The following TEC variants were observed in gnomAD, a reference collection of about 807,000 sequenced individuals.
TEC encodes the protein tyrosine-protein kinase Tec.
A neutral mutation model predicts 93.0 loss-of-function variants in TEC; 72 were observed. That is an observed-to-expected ratio of 0.77 (90% confidence interval 0.64 to 0.94). The LOEUF is 0.94. Ranked by LOEUF, TEC falls within the 40% of genes least tolerant of loss-of-function variation. The pLI is 0.00. For missense variants in TEC, 630 were observed against 757.9 expected, an observed-to-expected ratio of 0.83 and a Z score of 1.98; for synonymous variants, 249 against 247.7, an observed-to-expected ratio of 1.01 and a Z score of -0.05.
At chr4:48,264,710 C>T (rs1401019271) in intron 1 of TEC, among the ~76,000 whole-genome samples, 1 of 151,624 alleles carries the variant, frequency 6.6e-6, no homozygotes, top group Non-Finnish European at 1.5e-5. Flanking sequence ...CATATCGGCT[C>T]ACTACAACCT....
At chr4:48,257,494 A>G (rs1275094378) in intron 1 of TEC, among the ~76,000 whole-genome samples, 1 of 152,188 alleles carries the variant, frequency 6.6e-6, no homozygotes, top group Admixed American at 6.5e-5. Context: ...AGTAGAGCTC[A>G]GCAGACTTCT....
intron 2 of TEC, among the ~76,000 whole-genome samples, chr4:48,187,941 T>A (rs1005455513): frequency 2.0e-5 from 3 of 152,210 alleles, no homozygotes; most frequent in Non-Finnish European, 4.4e-5. Flanking sequence ...GATTGCCACA[T>A]TTTTCCTCCC....
intron 11 of TEC, among the ~76,000 whole-genome samples, chr4:48,149,074 C>A (rs1720048684): frequency 1.3e-5 from 2 of 152,132 alleles, no homozygotes; most frequent in Admixed American, 1.3e-4. Flanking sequence ...CTGTCTATCA[C>A]TGATGGACAT....
At chr4:48,195,062 T>C (rs1201936309) in intron 2 of TEC, among the ~76,000 whole-genome samples, 3 of 152,158 alleles carry the variant, frequency 2.0e-5, no homozygotes, top group Non-Finnish European at 4.4e-5. Flanking sequence ...GGCACTAAGA[T>C]TCTGCTTAAG....
At chr4:48,184,591 T>C (rs529837828) in intron 2 of TEC, among the ~76,000 whole-genome samples, 3 of 152,306 alleles carry the variant, frequency 2.0e-5, no homozygotes, top group South Asian at 2.1e-4. Flanking sequence ...CCTCTGTTTG[T>C]ACATATATTG....
At chr4:48,267,430 A>G (rs1452963133) in intron 1 of TEC, among the ~76,000 whole-genome samples, 3 of 152,234 alleles carry the variant, frequency 2.0e-5, no homozygotes, top group Non-Finnish European at 4.4e-5. Flanking sequence ...AGGTGGAGGC[A>G]ACTACTAGGC....
intron 2 of TEC, among the ~76,000 whole-genome samples, chr4:48,215,437 G>A (rs1723046320): frequency 6.6e-6 from 1 of 152,220 alleles, no homozygotes; most frequent in Non-Finnish European, 1.5e-5. Flanking sequence ...AGCCTGGGAG[G>A]TGGAGACTGC....
chr4:48,161,541 C>T (rs1344112447), intron 8 of TEC, among the ~76,000 whole-genome samples: 3 of 150,750 alleles, frequency 2.0e-5, no homozygotes, highest in South Asian at 4.2e-4. Flanking sequence ...AGTCTGTGGC[C>T]TGGGATTCCT....
In TEC at chr4:48,137,185, G is replaced by T. The variant is rs1719460340; in HGVS notation, c.*231C>A. 3 of 529,512 alleles carry T rather than the reference G, an allele frequency of 5.7e-6. No homozygotes were observed. Among genetic ancestry groups the T allele is most frequent in the Non-Finnish European group, 3.3e-6 (1 of 298,594 alleles). The allele number at this position is 529,512 out of a possible 1,614,324, so 32.8% of individuals were successfully genotyped here. A position where few individuals can be genotyped will look rare whatever the true frequency, so the allele number is the denominator to read the frequency against. On this transcript the variant is annotated 3_prime_UTR_variant, in exon 18 of 18. Coordinates refer to ENST00000381501, the MANE Select transcript of TEC (RefSeq NM_003215.3). ...ACTGTCACTCAAGTGCCTGAGGAATGAATAGAAATGAGTGATTTTAATCAC... is the reference window on the plus strand; with the variant it reads ...ACTGTCACTCAAGTGCCTGAGGAATTAATAGAAATGAGTGATTTTAATCAC...
chr4:48,248,317 A>G (rs890164371), intron 1 of TEC, among the ~76,000 whole-genome samples: 4 of 152,190 alleles, frequency 2.6e-5, no homozygotes, highest in African/African-American at 9.7e-5. Context: ...TCTGGCAATT[A>G]TAAGCTATCA....
At position 48,176,070 on chromosome 4, in the gene TEC, A is replaced by G. The variant is rs776094892; in HGVS notation, c.243+12T>C. On this transcript the variant is annotated intron_variant, in intron 3 of 17. Coordinates refer to ENST00000381501, the MANE Select transcript of TEC (RefSeq NM_003215.3). ...CCCAGCACTGCACTGCCACAAAAAT[A>G]CACCAGCTCACCTGAAATGGATACT... The G allele has an allele frequency of 6.2e-7, 1 of 1,604,686 alleles. No individual in the cohort carries two copies. Among genetic ancestry groups the G allele is most frequent in the Non-Finnish European group, 8.5e-7 (1 of 1,171,544 alleles).
At position 48,168,452 on chromosome 4, in the gene TEC, A is replaced by C. The variant is rs114949239; in HGVS notation, c.495+134T>G. ...ATAAGCTACAGCACATCTGCTTCTGAGACGATCCTAGGGAAAAATTGTGTC... is the reference window on the plus strand; with the variant it reads ...ATAAGCTACAGCACATCTGCTTCTGCGACGATCCTAGGGAAAAATTGTGTC... On this transcript the variant is annotated intron_variant, in intron 6 of 17. Coordinates refer to ENST00000381501, the MANE Select transcript of TEC (RefSeq NM_003215.3). The C allele has an allele frequency of 3.0e-4, 268 of 880,140 alleles. 1 individual carries two copies. Among genetic ancestry groups the C allele is most frequent in the Non-Finnish European group, 4.3e-4 (242 of 559,532 alleles). The allele number at this position is 880,140 out of a possible 1,614,324, so 54.5% of individuals were successfully genotyped here.
intron 2 of TEC, among the ~76,000 whole-genome samples, chr4:48,190,061 C>T (rs1722037782): frequency 6.6e-6 from 1 of 152,152 alleles, no homozygotes; most frequent in African/African-American, 2.4e-5. Context: ...CCACCACAAA[C>T]ATTAATATTT....
At chr4:48,179,384 T>A (rs1325823029) in intron 2 of TEC, among the ~76,000 whole-genome samples, 11 of 112,692 alleles carry the variant, frequency 9.8e-5, no homozygotes, top group African/African-American at 1.7e-4. Context: ...ATATTTTTTT[T>A]TTTTTTTTTT....
chr4:48,225,257 C>T (rs1411557322), intron 2 of TEC, among the ~76,000 whole-genome samples: 1 of 152,112 alleles, frequency 6.6e-6, no homozygotes, highest in African/African-American at 2.4e-5. Flanking sequence ...TCACTGCAAC[C>T]TCTGCCTCCT....
At chr4:48,228,415 G>C in intron 2 of TEC, 62 bp downstream of exon 2, 1 of 1,458,728 alleles carries the variant, frequency 6.9e-7, no homozygotes, top group East Asian at 2.5e-5. Flanking sequence ...GGAGAGGCAG[G>C]CAATATTATA....
In TEC at chr4:48,241,395, T is replaced by C. The variant is rs76995850; in HGVS notation, c.-45-12736A>G. ...TGATTTTTTTGGACGTCTAGCTCTT[T>C]GAATATTCTCCCTCTTGGAACCCAG... On this transcript the variant is annotated intron_variant, in intron 1 of 17. Coordinates refer to ENST00000381501, the MANE Select transcript of TEC (RefSeq NM_003215.3). Among the ~76,000 whole-genome samples the C allele has an allele frequency of 6.0e-4, 91 of 152,306 alleles. No homozygotes were observed. The East Asian group carries it at 0.016, about 27-fold the overall frequency.
At chr4:48,145,631 G>T in intron 12 of TEC, 52 bp from the exon 13 acceptor site, 1 of 1,585,420 alleles carries the variant, frequency 6.3e-7, no homozygotes, top group South Asian at 1.1e-5. Flanking sequence ...AATGTAGCAT[G>T]AATCAGAGAG....
chr4:48,214,610 G>A (rs1723012490), intron 2 of TEC, among the ~76,000 whole-genome samples: 1 of 152,282 alleles, frequency 6.6e-6, no homozygotes, highest in African/African-American at 2.4e-5. Context: ...CCAGCACTTT[G>A]GGAGGCCAAG....
Sources: gnomAD v4.1 joint callset for allele counts (sites outside exome capture counted in the v4.1 genomes callset) on GRCh38, gnomAD v4.1.1 for gene constraint, MANE v1.5 for transcripts, NCBI Gene and HGNC (gene_info 2026-07-23, HGNC 2026-07-21) for gene names.